The following ITSN1 variants were observed in gnomAD, a reference collection of about 807,000 sequenced individuals.
ITSN1 encodes intersectin-1.
A neutral mutation model predicts 239.8 loss-of-function variants in ITSN1; 58 were observed. The ratio of observed to expected loss-of-function variants is 0.24; its 90% CI spans 0.20 to 0.30. The LOEUF (loss-of-function observed/expected upper bound fraction) is 0.30, where lower values mean the gene tolerates loss of function less well. Ranked by LOEUF, ITSN1 falls within the 10% of genes least tolerant of loss-of-function variation. The probability of loss-of-function intolerance (pLI) is 1.00; values close to 1 mark genes in which losing one functional copy is unlikely to be tolerated. For missense variants in ITSN1, 1,558 were observed against 2,103.3 expected (o/e 0.74, Z 5.07); for synonymous variants, 780 against 770.8 (o/e 1.01, Z -0.20).
At chr21:33,766,924 T>C (rs1018176371) in intron 10 of ITSN1, among the ~76,000 whole-genome samples, 1 of 152,170 alleles carries the variant, frequency 6.6e-6, no homozygotes, top group Non-Finnish European at 1.5e-5. Context: ...TCCCAGCACG[T>C]TGGGAGGCCG....
At chr21:33,662,798 A>G (rs2089660135) in intron 1 of ITSN1, among the ~76,000 whole-genome samples, 1 of 152,198 alleles carries the variant, frequency 6.6e-6, no homozygotes, top group Non-Finnish European at 1.5e-5. Context: ...ATGAGTACTG[A>G]GTACCCTTCA....
At chr21:33,819,710 C>T (rs1399536993) in intron 24 of ITSN1, among the ~76,000 whole-genome samples, 3 of 152,298 alleles carry the variant, frequency 2.0e-5, no homozygotes, top group African/African-American at 4.8e-5. Flanking sequence ...AGGCCGGGCG[C>T]GGTGGCTCAC....
At chr21:33,735,405 C>A in intron 5 of ITSN1, 1 of 642,088 alleles carries the variant, frequency 1.6e-6, no homozygotes, top group Non-Finnish European at 2.8e-6. Flanking sequence ...GTAAAGTAAT[C>A]AAAATGAAAG....
intron 2 of ITSN1, among the ~76,000 whole-genome samples, chr21:33,720,353 A>C (rs2065411236): frequency 6.6e-6 from 1 of 152,234 alleles, no homozygotes; most frequent in Non-Finnish European, 1.5e-5. Context: ...CGTATTGTGT[A>C]TTCCCAGTTT....
At chr21:33,807,536 C>T (rs1404215061) in intron 20 of ITSN1, among the ~76,000 whole-genome samples, 4 of 152,166 alleles carry the variant, frequency 2.6e-5, no homozygotes, top group African/African-American at 4.8e-5. Context: ...TGGGGTTTCA[C>T]CAGCCTGAAA....
rs1425676660 is a variant in ITSN1 at position 33,750,205 on chromosome 21, A to G, written c.409A>G (p.Ile137Val). ...TAVAPVPMGS[I>V]PVVGMSPTLV... ...TGTTGCTCCAGTGCCAATGGGATCC[A>G]TTCCAGTTGTTGGAATGTCTCCAAC... Residue 137 changes from isoleucine to valine, a missense_variant, in exon 6 of 40, where the codon ATT (isoleucine) becomes GTT (valine). Ile to Val is a conservative substitution (Grantham distance 29). Coordinates refer to ENST00000381318, the MANE Select transcript of ITSN1 (RefSeq NM_003024.3). 1 of 1,614,016 alleles carries G rather than the reference A, an allele frequency of 6.2e-7. No homozygotes were observed. Among genetic ancestry groups the G allele is most frequent in the Non-Finnish European group, 8.5e-7 (1 of 1,180,024 alleles).
chr21:33,685,397 A>G (rs1427123782), intron 1 of ITSN1, among the ~76,000 whole-genome samples: 2 of 152,134 alleles, frequency 1.3e-5, no homozygotes, highest in Non-Finnish European at 2.9e-5. Flanking sequence ...GTGGTGCCTT[A>G]TCTAAATAGT....
chr21:33,694,377 G>A (rs1012062998), intron 1 of ITSN1, among the ~76,000 whole-genome samples: 15 of 152,160 alleles, frequency 9.9e-5, no homozygotes, highest in Admixed American at 9.2e-4. Context: ...GAACAGTTAA[G>A]ATTATTTAAG....
At chr21:33,823,185 T>C (rs1427730890) in intron 24 of ITSN1, among the ~76,000 whole-genome samples, 3 of 152,208 alleles carry the variant, frequency 2.0e-5, no homozygotes, top group Admixed American at 2.0e-4. Context: ...GAAATCATGA[T>C]GCTAAATGGT....
At chr21:33,876,672 A>G (rs1983971716) in intron 34 of ITSN1, among the ~76,000 whole-genome samples, 1 of 152,242 alleles carries the variant, frequency 6.6e-6, no homozygotes, top group African/African-American at 2.4e-5. Flanking sequence ...AAGTGGAGGC[A>G]GGAGGCTAGT....
chr21:33,890,689 C>T lies in ITSN1; in HGVS notation c.*2389C>T, dbSNP rs1986301417. On this transcript the variant is annotated 3_prime_UTR_variant, in exon 40 of 40. Transcript: ENST00000381318. ...GAAACATGGGTGATGCATGGAGTCT[C>T]AAACCATTGGGCCTCTCTGTTCCTT... 6.6e-6 allele frequency: 1 copy of T among 152,180 alleles called. No homozygotes were observed. The allele number at this position is 152,180 out of a possible 1,614,324, so 9.4% of individuals were successfully genotyped here. A position where few individuals can be genotyped will look rare whatever the true frequency, so the allele number is the denominator to read the frequency against.
chr21:33,734,151 G>T (rs1415578578), intron 4 of ITSN1, among the ~76,000 whole-genome samples: 2 of 152,054 alleles, frequency 1.3e-5, no homozygotes, highest in African/African-American at 4.8e-5. Context: ...TGGATTAAAA[G>T]AAATAAAATC....
chr21:33,710,701 CT>C (rs1280753991), intron 1 of ITSN1, among the ~76,000 whole-genome samples: 5 of 148,356 alleles, frequency 3.4e-5, no homozygotes, highest in Admixed American at 6.7e-5. Context: ...TAGTGATCTC[CT>C]TTTTTTTTGT....
At chr21:33,721,139 C>T (rs753237398) in intron 2 of ITSN1, 39 bp from the exon 3 acceptor site, 3 of 1,392,454 alleles carry the variant, frequency 2.2e-6, no homozygotes, top group South Asian at 2.3e-5. Context: ...TTTTCCTTTT[C>T]TCACTGAATA....
At chr21:33,693,040 G>T (rs1042959825) in intron 1 of ITSN1, among the ~76,000 whole-genome samples, 1 of 151,742 alleles carries the variant, frequency 6.6e-6, no homozygotes, top group Admixed American at 6.6e-5. Context: ...CATGTGATCC[G>T]CCCACCTCGC....
At chr21:33,666,570 T>C (rs763173902) in intron 1 of ITSN1, among the ~76,000 whole-genome samples, 1 of 152,248 alleles carries the variant, frequency 6.6e-6, no homozygotes, top group Non-Finnish European at 1.5e-5. Flanking sequence ...GCTAAGATCA[T>C]TTGCACTTTA....
intron 1 of ITSN1, among the ~76,000 whole-genome samples, chr21:33,709,643 GT>G (rs1488145788): frequency 6.6e-6 from 1 of 152,116 alleles, no homozygotes; most frequent in African/African-American, 2.4e-5. Flanking sequence ...TAAAACAGTT[GT>G]TTTTCTTAAT....
intron 4 of ITSN1, among the ~76,000 whole-genome samples, chr21:33,730,658 C>G (rs1447633655): frequency 6.6e-6 from 1 of 151,530 alleles, no homozygotes; most frequent in Non-Finnish European, 1.5e-5. Context: ...TCTCGGCCTC[C>G]CAAAGTGCTG....
At chr21:33,734,211 T>G (rs2066357117) in intron 4 of ITSN1, among the ~76,000 whole-genome samples, 1 of 152,164 alleles carries the variant, frequency 6.6e-6, no homozygotes, top group Non-Finnish European at 1.5e-5. Context: ...ATATGCACAG[T>G]TTTGATGATA....
Sources: allele counts gnomAD v4.1 joint callset (sites outside exome capture counted in the v4.1 genomes callset), GRCh38; gene constraint gnomAD v4.1.1; transcripts MANE v1.5; gene names NCBI Gene and HGNC (gene_info 2026-07-23, HGNC 2026-07-21).